Variants in ITGA1 observed in about 807,000 individuals in gnomAD.
ITGA1 encodes the protein integrin subunit alpha 1.
ITGA1 carries 85 observed loss-of-function variants against 145.9 expected under a neutral mutation model. That is an observed-to-expected ratio of 0.58 (90% CI 0.49 to 0.70). The LOEUF (loss-of-function observed/expected upper bound fraction) is 0.70, where lower values mean the gene tolerates loss of function less well. Among genes scored for constraint, ITGA1 ranks in the 30% least tolerant of loss-of-function variants. The probability of loss-of-function intolerance (pLI) is 0.00; values close to 1 mark genes in which losing one functional copy is unlikely to be tolerated. For synonymous variants in ITGA1, 520 were observed against 495.3 expected (o/e 1.05, Z -0.66); for missense variants, 1,351 against 1,418.7 (o/e 0.95, Z 0.77).
At chr5:52,849,252 T>G (rs1462025148) in intron 1 of ITGA1, 113 bp from the exon 2 acceptor site, 85 of 904,088 alleles carry the variant, frequency 9.4e-5, no homozygotes, top group Non-Finnish European at 1.2e-4. Context: ...TGAGCTTCTT[T>G]TTTTTTAATA....
rs1445674569 is a variant in ITGA1, at chr5:52,853,480, T to G, written c.182+3995T>G. Among the ~76,000 whole-genome samples, 3 of 152,226 alleles carry G rather than the reference T, an allele frequency of 2.0e-5. No individual in the cohort carries two copies. In the East Asian group the frequency reaches 5.8e-4, roughly 29 times the overall value. On this transcript the variant is annotated intron_variant, in intron 2 of 28. Coordinates refer to ENST00000282588, the MANE Select transcript of ITGA1 (RefSeq NM_181501.2). ...TTACTGCTCATGCTTTCGAATTTCA[T>G]AAACTCATATTTAAAAAAATCATCC...
intron 1 of ITGA1, among the ~76,000 whole-genome samples, chr5:52,807,340 G>A (rs1168198564): frequency 6.6e-6 from 1 of 152,074 alleles, no homozygotes; most frequent in Non-Finnish European, 1.5e-5. Flanking sequence ...CAGGTCTTAT[G>A]GTAAGTGCTT....
intron 1 of ITGA1, among the ~76,000 whole-genome samples, chr5:52,828,483 C>T (rs1315786683): frequency 6.6e-6 from 1 of 152,026 alleles, no homozygotes; most frequent in African/African-American, 2.4e-5. Flanking sequence ...TTAATATTTA[C>T]TCATTTTTTA....
At chr5:52,850,115 G>T (rs1048109654) in intron 2 of ITGA1, among the ~76,000 whole-genome samples, 7 of 151,006 alleles carry the variant, frequency 4.6e-5, no homozygotes, top group African/African-American at 1.7e-4. Context: ...TGATTCTCCT[G>T]CCTCAGCCTC....
At chr5:52,800,211 G>T in intron 1 of ITGA1, 1 of 619,830 alleles carries the variant, frequency 1.6e-6, no homozygotes, top group Non-Finnish European at 2.8e-6. Context: ...GAGAGGAAAG[G>T]ATAGAGGAAG....
At chr5:52,931,988 A>G in intron 21 of ITGA1, 59 bp from the exon 22 acceptor site, 1 of 992,034 alleles carries the variant, frequency 1.0e-6, no homozygotes, top group Non-Finnish European at 1.6e-6. Context: ...AACACTTAGA[A>G]ATGTCTTTAA....
chr5:52,951,228 C>T (rs1751214304), intron 28 of ITGA1, among the ~76,000 whole-genome samples: 1 of 152,184 alleles, frequency 6.6e-6, no homozygotes, highest in African/African-American at 2.4e-5. Context: ...AGAGGTGCCA[C>T]ACTTTTAAAG....
intron 23 of ITGA1, among the ~76,000 whole-genome samples, chr5:52,936,765 G>A (rs1750970740): frequency 6.6e-6 from 1 of 152,138 alleles, no homozygotes; most frequent in Non-Finnish European, 1.5e-5. Flanking sequence ...GAAACTTTGG[G>A]TTAGTGGATA....
chr5:52,861,934 T>G (rs1749612006), intron 3 of ITGA1, among the ~76,000 whole-genome samples: 1 of 150,556 alleles, frequency 6.6e-6, no homozygotes, highest in South Asian at 2.1e-4. Context: ...AAACAGATTT[T>G]GGGCTGGGCG....
At chr5:52,858,937 G>T (rs1303182129) in intron 2 of ITGA1, among the ~76,000 whole-genome samples, 1 of 152,020 alleles carries the variant, frequency 6.6e-6, no homozygotes, top group African/African-American at 2.4e-5. Context: ...ATCACAGATG[G>T]AGTAATTGAC....
At chr5:52,939,006 G>T (rs534717503) in intron 24 of ITGA1, among the ~76,000 whole-genome samples, 1 of 152,118 alleles carries the variant, frequency 6.6e-6, no homozygotes, top group South Asian at 2.1e-4. Context: ...ATGTCCAAAT[G>T]ATTCTCCTGC....
intron 3 of ITGA1, among the ~76,000 whole-genome samples, chr5:52,863,537 T>G (rs1749639540): frequency 6.6e-6 from 1 of 152,166 alleles, no homozygotes; most frequent in Non-Finnish European, 1.5e-5. Context: ...ACTCATTTAG[T>G]GCCAGTATCT....
At chr5:52,926,106 A>C (rs1750801975) in intron 19 of ITGA1, among the ~76,000 whole-genome samples, 1 of 152,050 alleles carries the variant, frequency 6.6e-6, no homozygotes, top group African/African-American at 2.4e-5. Flanking sequence ...TATTTATATT[A>C]ATTAATATTA....
At chr5:52,796,850 A>C (rs1748352212) in intron 1 of ITGA1, among the ~76,000 whole-genome samples, 1 of 152,134 alleles carries the variant, frequency 6.6e-6, no homozygotes, top group South Asian at 2.1e-4. Flanking sequence ...TGGACTTTAA[A>C]GATAGGCAGC....
At chr5:52,910,552 T>A in intron 14 of ITGA1, 133 bp downstream of exon 14, 1 of 917,938 alleles carries the variant, frequency 1.1e-6, no homozygotes, top group Non-Finnish European at 1.6e-6. Flanking sequence ...TTAATTCTCT[T>A]TAAGTGTTTT....
At position 52,788,160 on chromosome 5, in the gene ITGA1, T is replaced by G; in HGVS notation, c.-194T>G. On this transcript the variant is annotated 5_prime_UTR_variant, in exon 1 of 29. Transcript: ENST00000282588. ...CAATCCGTCTGGGATGTGAAAAGCG[T>G]GGAGCGCATTTAGAGGAATTCGACG... 2.2e-6 allele frequency: 1 copy of G among 454,088 alleles called. No individual in the cohort carries two copies. The highest frequency in any genetic ancestry group is 3.9e-6 in the Non-Finnish European group (1 of 255,406). 28.1% of individuals were successfully genotyped at this position (454,088 alleles called of 1,614,324 possible).
intron 7 of ITGA1, among the ~76,000 whole-genome samples, chr5:52,882,357 C>A (rs1257883808): frequency 6.6e-6 from 1 of 152,024 alleles, no homozygotes; most frequent in East Asian, 1.9e-4. Flanking sequence ...CTAAGAGTCT[C>A]AATCTAAAAG....
Position 52,925,806 on chromosome 5 carries a change from G to A in ITGA1, c.2613+319G>A, listed in dbSNP as rs181754355. Among the ~76,000 whole-genome samples, 102 of 152,274 alleles carry A rather than the reference G, an allele frequency of 6.7e-4. No individual in the cohort carries two copies. In the South Asian group the frequency reaches 7.0e-3, roughly 11 times the overall value. On this transcript the variant is annotated intron_variant, in intron 19 of 28. Coordinates refer to ENST00000282588, the MANE Select transcript of ITGA1 (RefSeq NM_181501.2). The stretch of plus-strand genomic sequence containing the variant: ...AATAATAACAATCAAAGCCAAAACA[G>A]TTAACAGACGTACAGAGAGGTACCT...
intron 14 of ITGA1, among the ~76,000 whole-genome samples, chr5:52,914,847 GTATGGTAATGTGCACAGATCAGTCT>G (rs1472351749): frequency 6.6e-6 from 1 of 152,162 alleles, no homozygotes; most frequent in African/African-American, 2.4e-5. Context: ...AACATACTAT[GTATGGTAATGTGCACAGATCAGTCT>G]TCAAGACATA....
Sources: gnomAD v4.1 joint callset for allele counts (sites outside exome capture counted in the v4.1 genomes callset) on GRCh38, gnomAD v4.1.1 for gene constraint, MANE v1.5 for transcripts, NCBI Gene and HGNC (gene_info 2026-07-23, HGNC 2026-07-21) for gene names.